The following LPAR6 variants were observed in gnomAD, a reference collection of about 807,000 sequenced individuals.
LPAR6 encodes the protein lysophosphatidic acid receptor 6, also known as G-protein coupled purinergic receptor P2Y5.
Under a neutral mutation model 22.0 loss-of-function variants are expected in LPAR6, and 17 were observed. That is an observed-to-expected ratio of 0.77 (90% CI 0.53 to 1.16). The LOEUF is 1.16. Among genes scored for constraint, LPAR6 ranks in the 50% most tolerant of loss-of-function variants. The pLI, the probability that LPAR6 is intolerant of heterozygous loss-of-function variation, is 0.00. For missense variants in LPAR6, 384 were observed against 406.9 expected (o/e 0.94, Z 0.48); for synonymous variants, 136 against 139.8 (o/e 0.97, Z 0.19).
chr13:48,440,388 T>C (rs905873571), intron 1 of LPAR6, among the ~76,000 whole-genome samples: 1 of 152,172 alleles, frequency 6.6e-6, no homozygotes, highest in African/African-American at 2.4e-5. Context: ...ACATCTTTCT[T>C]TTATGTATGA....
chr13:48,442,693 T>C (rs973228138), intron 1 of LPAR6, among the ~76,000 whole-genome samples: 12 of 152,190 alleles, frequency 7.9e-5, no homozygotes, highest in Admixed American at 2.0e-4. Flanking sequence ...ATTACATGAA[T>C]TTTGTCATCT....
At chr13:48,430,729 G>T (rs1044901154), upstream of LPAR6, among the ~76,000 whole-genome samples, 1 of 149,066 alleles carries the variant, frequency 6.7e-6, no homozygotes, top group Admixed American at 6.9e-5. Flanking sequence ...GACAGAGTGA[G>T]TCTCCATCTC....
At chr13:48,437,853 A>T (rs1949199856) in intron 1 of LPAR6, among the ~76,000 whole-genome samples, 2 of 152,212 alleles carry the variant, frequency 1.3e-5, no homozygotes, top group African/African-American at 4.8e-5. Context: ...CTGCACAAGG[A>T]TATAAATACC....
chr13:48,412,409 G>C lies in LPAR6; in HGVS notation c.15C>G (p.Asn5Lys). Residue 5 changes from asparagine (N) to lysine (K), a missense_variant, in exon 1 of 1, where the codon AAC (asparagine) becomes AAG (lysine). Coordinates refer to ENST00000620633, the MANE Select transcript of LPAR6 (RefSeq NM_001162498.3). The stretch of plus-strand genomic sequence containing the variant: ...AGTCATTATAGAAGCAGTGGGAGCT[G>C]TTAACGCTTACCATCGTAAAGGCAC... MVSV[N>K]SSHCFYNDSF... The C allele has an allele frequency of 6.2e-7, 1 of 1,613,456 alleles. No individual in the cohort carries two copies. The highest frequency in any genetic ancestry group is 8.5e-7 in the Non-Finnish European group (1 of 1,179,404).
chr13:48,406,432 TAAG>T (rs1365215675), downstream of LPAR6: 6 of 152,204 alleles, frequency 3.9e-5, no homozygotes, highest in Non-Finnish European at 7.4e-5. Context: ...AAAAAAAGGA[TAAG>T]AAGAGCCCTT....
intron 1 of LPAR6, among the ~76,000 whole-genome samples, chr13:48,423,055 G>C (rs534999234): frequency 1.3e-5 from 2 of 151,968 alleles, no homozygotes; most frequent in African/African-American, 4.8e-5. Context: ...ACTTGGGCCC[G>C]GGAGATTGAG....
At chr13:48,410,425 T>C (rs1948783181), downstream of LPAR6, among the ~76,000 whole-genome samples, 1 of 152,206 alleles carries the variant, frequency 6.6e-6, no homozygotes, top group Non-Finnish European at 1.5e-5. Flanking sequence ...GTTGTGTAAG[T>C]ACACACTGTG....
chr13:48,442,213 T>A (rs772615351), intron 1 of LPAR6, among the ~76,000 whole-genome samples: 23 of 152,106 alleles, frequency 1.5e-4, no homozygotes, highest in Non-Finnish European at 2.5e-4. Flanking sequence ...TTTATTTTTT[T>A]TTTTTGAAAT....
chr13:48,431,694 G>A (rs1949131243), upstream of LPAR6, among the ~76,000 whole-genome samples: 1 of 152,172 alleles, frequency 6.6e-6, no homozygotes, highest in African/African-American at 2.4e-5. Context: ...AAAGACCAAA[G>A]GACGGCTTCT....
intron 2 of LPAR6, among the ~76,000 whole-genome samples, chr13:48,419,329 T>C (rs1948967709): frequency 6.6e-6 from 1 of 152,180 alleles, no homozygotes; most frequent in Admixed American, 6.5e-5. Flanking sequence ...AGAAGTTCTT[T>C]GAAACCAATG....
intron 1 of LPAR6, among the ~76,000 whole-genome samples, chr13:48,402,959 G>T (rs571716908): frequency 6.6e-6 from 1 of 151,796 alleles, no homozygotes; most frequent in Non-Finnish European, 1.5e-5. Flanking sequence ...GCTTCTGTTC[G>T]TAAAGTACTA....
intron 1 of LPAR6, among the ~76,000 whole-genome samples, chr13:48,396,553 A>G (rs1948649906): frequency 6.6e-6 from 1 of 152,220 alleles, no homozygotes; most frequent in African/African-American, 2.4e-5. Flanking sequence ...CCTAGAAGAA[A>G]ACCTAGGCAA....
Position 48,412,364 on chromosome 13 carries a change from A to G in LPAR6, c.60T>C (p.Tyr20=). ...FYNDSFKYTL[Y]GCMFSMVFVL... ...CAAACACCATGCTGAACATGCACCCATACAAAGTGTACTTAAAGGAGTCAT... is the reference window on the plus strand; with the variant it reads ...CAAACACCATGCTGAACATGCACCCGTACAAAGTGTACTTAAAGGAGTCAT... Residue 20 remains tyrosine, a synonymous_variant, in exon 1 of 1, where the codon TAT becomes TAC. Coordinates refer to ENST00000620633, the MANE Select transcript of LPAR6 (RefSeq NM_001162498.3). 6.2e-7 allele frequency: 1 copy of G among 1,614,018 alleles called. No homozygotes were observed. Among genetic ancestry groups the G allele is most frequent in the Non-Finnish European group, 8.5e-7 (1 of 1,179,882 alleles).
chr13:48,414,090 A>T (rs536710074), upstream of LPAR6, among the ~76,000 whole-genome samples: 10 of 152,264 alleles, frequency 6.6e-5, no homozygotes, highest in Admixed American at 2.0e-4. Flanking sequence ...GCTCACGCCT[A>T]TAATCCCAGC....
intron 1 of LPAR6, among the ~76,000 whole-genome samples, chr13:48,437,515 T>C (rs1949196030): frequency 6.6e-6 from 1 of 152,232 alleles, no homozygotes; most frequent in Non-Finnish European, 1.5e-5. Flanking sequence ...TGAGAGATTC[T>C]TAAATTGTCA....
chr13:48,443,576 G>A (rs946775811), intron 1 of LPAR6, among the ~76,000 whole-genome samples: 4 of 152,136 alleles, frequency 2.6e-5, no homozygotes, highest in African/African-American at 9.7e-5. Flanking sequence ...CTTTTAAACT[G>A]AAAGTACTTT....
At chr13:48,438,700 T>C (rs563565289) in intron 1 of LPAR6, among the ~76,000 whole-genome samples, 1 of 152,344 alleles carries the variant, frequency 6.6e-6, no homozygotes, top group African/African-American at 2.4e-5. Context: ...TCTTCACTTA[T>C]AAAATGGCAT....
chr13:48,399,133 G>C (rs568020388), intron 1 of LPAR6, among the ~76,000 whole-genome samples: 140 of 152,112 alleles, frequency 9.2e-4, no homozygotes, highest in Middle Eastern at 3.4e-3. Context: ...TTAGGTATTT[G>C]GATCAACTTT....
Position 48,412,615 on chromosome 13 carries a change from G to T in LPAR6, c.-192C>A, listed in dbSNP as rs2233571. ...TGAAATTTGTTGCTGTAAAATTTCC[G>T]CTGGGTTCTTCAACAGGAAAATATT... On this transcript the variant is annotated 5_prime_UTR_variant, in exon 1 of 1. Transcript: ENST00000620633. 9.8e-6 allele frequency: 6 copies of T among 614,092 alleles called. No individual in the cohort carries two copies. The highest frequency in any genetic ancestry group is 1.5e-5 in the Non-Finnish European group (5 of 338,002). 38.0% of individuals were successfully genotyped at this position (614,092 alleles called of 1,614,324 possible).
Sources: gnomAD v4.1 joint callset for allele counts (sites outside exome capture counted in the v4.1 genomes callset) on GRCh38, gnomAD v4.1.1 for gene constraint, MANE v1.5 for transcripts, NCBI Gene and HGNC (gene_info 2026-07-23, HGNC 2026-07-21) for gene names.